Variants in ATP2B4 observed in about 807,000 individuals in gnomAD.
The protein encoded by ATP2B4 is ATPase plasma membrane Ca2+ transporting 4, also known as plasma membrane calcium-transporting ATPase 4.
In ATP2B4, 39 loss-of-function variants were observed where a neutral mutation model predicts 110.3. The observed-to-expected ratio is 0.35, with a 90% CI of 0.27 to 0.46. The LOEUF (loss-of-function observed/expected upper bound fraction) is 0.46, where lower values mean the gene tolerates loss of function less well. ATP2B4 is among the 20% of genes least tolerant of loss of function. The pLI is 1.00. For synonymous variants in ATP2B4, 538 were observed against 571.7 expected (o/e 0.94, Z 0.84); for missense variants, 1,135 against 1,530.9 (o/e 0.74, Z 4.32).
intron 1 of ATP2B4, among the ~76,000 whole-genome samples, chr1:203,643,029 A>G (rs538976805): frequency 6.6e-6 from 1 of 152,222 alleles, no homozygotes; most frequent in Admixed American, 6.5e-5. Context: ...TGGGCTCAGT[A>G]CATTTATAAA....
chr1:203,677,943 G>A (rs376857238), intron 1 of ATP2B4, among the ~76,000 whole-genome samples: 64 of 152,302 alleles, frequency 4.2e-4, no homozygotes, highest in Non-Finnish European at 8.4e-4. Flanking sequence ...TCAGCCCATC[G>A]GGGAAGGACA....
intron 1 of ATP2B4, among the ~76,000 whole-genome samples, chr1:203,640,195 T>C (rs905258206): frequency 1.1e-4 from 17 of 152,166 alleles, no homozygotes; most frequent in Non-Finnish European, 2.1e-4. Flanking sequence ...TTCATCTCAG[T>C]TCCTTCTCTT....
At chr1:203,713,551 G>A (rs561923572) in intron 14 of ATP2B4, among the ~76,000 whole-genome samples, 6 of 152,080 alleles carry the variant, frequency 3.9e-5, no homozygotes, top group Admixed American at 6.6e-5. Context: ...TGCAACCTCC[G>A]CCTCGTGAGT....
At chr1:203,695,903 A>G (rs529375045) in intron 2 of ATP2B4, among the ~76,000 whole-genome samples, 1 of 152,114 alleles carries the variant, frequency 6.6e-6, no homozygotes, top group African/African-American at 2.4e-5. Context: ...CCTAACCCAA[A>G]TCTCTCCTTT....
intron 1 of ATP2B4, chr1:203,657,108 A>G (rs1303667847): frequency 1.1e-5 from 9 of 826,102 alleles, no homozygotes; most frequent in African/African-American, 1.7e-5. Flanking sequence ...TATCTTTGGT[A>G]ATAACACCCA....
chr1:203,708,209 C>A, intron 10 of ATP2B4, 105 bp downstream of exon 10: 1 of 1,474,294 alleles, frequency 6.8e-7, no homozygotes, highest in Non-Finnish European at 9.3e-7. Flanking sequence ...AAATTGCCAT[C>A]CCACATCCCA....
At chr1:203,732,157 C>CAAAA (rs567953858) in intron 20 of ATP2B4, among the ~76,000 whole-genome samples, 1 of 48,094 alleles carries the variant, frequency 2.1e-5, no homozygotes, top group Non-Finnish European at 4.5e-5. Context: ...GCCTGGGTGT[C>CAAAA]AAAAAAAAAA....
chr1:203,679,907 A>G (rs1162659292), intron 1 of ATP2B4, among the ~76,000 whole-genome samples: 1 of 151,866 alleles, frequency 6.6e-6, no homozygotes, highest in African/African-American at 2.4e-5. Context: ...AAAAAACACA[A>G]AATATTAGCT....
Position 203,709,507 on chromosome 1 carries a change from G to A in ATP2B4, c.1764G>A (p.Met588Ile). 3 of 1,614,136 alleles carry A rather than the reference G, an allele frequency of 1.9e-6. No individual in the cohort carries two copies. Among genetic ancestry groups the A allele is most frequent in the Non-Finnish European group, 2.5e-6 (3 of 1,180,020 alleles). Reference sequence around the variant, plus strand: ...GGAATCCCAACGGTGGCTTCCGTATGTACAGCAAGGGCGCCTCTGAGATCA... The same window carrying A: ...GGAATCCCAACGGTGGCTTCCGTATATACAGCAAGGGCGCCTCTGAGATCA... ...VIRNPNGGFR[M>I]YSKGASEIIL... is the part of the protein sequence containing the mutation. The change falls in exon 11 of 21, where the codon ATG becomes ATA. Residue 588 changes from methionine (M) to isoleucine (I), a missense_variant. Coordinates refer to ENST00000357681, the MANE Select transcript of ATP2B4 (RefSeq NM_001684.5).
At chr1:203,694,744 T>C (rs1183171236) in intron 2 of ATP2B4, among the ~76,000 whole-genome samples, 1 of 152,118 alleles carries the variant, frequency 6.6e-6, no homozygotes, top group Non-Finnish European at 1.5e-5. Context: ...AAAAAGATCA[T>C]TCTGGCTAAT....
At chr1:203,708,963 C>T (rs1412016466) in intron 10 of ATP2B4, among the ~76,000 whole-genome samples, 1 of 152,156 alleles carries the variant, frequency 6.6e-6, no homozygotes, top group Non-Finnish European at 1.5e-5. Flanking sequence ...TCAAGACCAG[C>T]CTGGCCAACA....
chr1:203,703,862 C>G (rs750776341), intron 8 of ATP2B4, 49 bp downstream of exon 8: 11 of 1,586,470 alleles, frequency 6.9e-6, no homozygotes, highest in Non-Finnish European at 9.4e-6. Context: ...GTCTTGGATC[C>G]TCATCACTTT....
chr1:203,735,883 A>G (rs1470802749), intron 20 of ATP2B4, among the ~76,000 whole-genome samples: 3 of 152,330 alleles, frequency 2.0e-5, no homozygotes, highest in African/African-American at 4.8e-5. Flanking sequence ...GTGGAAGGAG[A>G]CTAAGTAGAA....
At chr1:203,697,584 T>C in intron 2 of ATP2B4, among the ~76,000 whole-genome samples, 1 of 152,240 alleles carries the variant, frequency 6.6e-6, no homozygotes, top group East Asian at 1.9e-4. Flanking sequence ...GGCTGACTAG[T>C]TTCATTTTGC....
At chr1:203,653,836 C>T (rs1289405480) in intron 1 of ATP2B4, among the ~76,000 whole-genome samples, 4 of 151,394 alleles carry the variant, frequency 2.6e-5, no homozygotes, top group Admixed American at 2.0e-4. Flanking sequence ...GGATTACAGG[C>T]GTGAGCCACC....
intron 3 of ATP2B4, 39 bp downstream of exon 3, chr1:203,698,393 G>A (rs1258680262): frequency 1.2e-6 from 2 of 1,601,770 alleles, no homozygotes; most frequent in Non-Finnish European, 1.7e-6. Context: ...TCTTATCTGG[G>A]TTCTTTCCAC....
intron 1 of ATP2B4, among the ~76,000 whole-genome samples, chr1:203,658,515 A>AGG (rs1209166316): frequency 6.6e-6 from 1 of 151,584 alleles, no homozygotes; most frequent in Non-Finnish European, 1.5e-5. Context: ...TGGCCAACAG[A>AGG]GGGAGACCCT....
intron 1 of ATP2B4, among the ~76,000 whole-genome samples, chr1:203,672,872 C>T (rs1664716788): frequency 6.6e-6 from 1 of 152,088 alleles, no homozygotes; most frequent in Non-Finnish European, 1.5e-5. Context: ...TTTAACTTTT[C>T]GAATAGACCT....
chr1:203,679,919 G>A (rs1376197481), intron 1 of ATP2B4, among the ~76,000 whole-genome samples: 1 of 151,996 alleles, frequency 6.6e-6, no homozygotes, highest in Non-Finnish European at 1.5e-5. Flanking sequence ...ATATTAGCTG[G>A]GCATGGTGGC....
Sources: gnomAD v4.1 joint callset for allele counts (sites outside exome capture counted in the v4.1 genomes callset) on GRCh38, gnomAD v4.1.1 for gene constraint, MANE v1.5 for transcripts, NCBI Gene and HGNC (gene_info 2026-07-23, HGNC 2026-07-21) for gene names.